TACR1: variants seen among roughly 807,000 people sequenced by gnomAD.
TACR1 encodes substance-P receptor.
TACR1 carries 25 observed loss-of-function variants against 35.8 expected under a neutral mutation model. The observed-to-expected ratio is 0.70, with a 90% CI of 0.51 to 0.98. TACR1 has a LOEUF of 0.98. Among genes scored for constraint, TACR1 ranks in the 50% least tolerant of loss-of-function variants. The probability of loss-of-function intolerance (pLI) is 0.00; values close to 1 mark genes in which losing one functional copy is unlikely to be tolerated. For synonymous variants in TACR1, 195 were observed against 206.7 expected (o/e 0.94, Z 0.48); for missense variants, 478 against 522.9 (o/e 0.91, Z 0.84).
chr2:75,086,045 TC>T, intron 2 of TACR1, among the ~76,000 whole-genome samples: 1 of 152,326 alleles, frequency 6.6e-6, no homozygotes, highest in Non-Finnish European at 1.5e-5. Flanking sequence ...GATCAAGAGC[TC>T]TTCAGTTAAA....
intron 1 of TACR1, among the ~76,000 whole-genome samples, chr2:75,152,293 C>T (rs1021965972): frequency 2.0e-5 from 3 of 152,158 alleles, no homozygotes; most frequent in Admixed American, 6.5e-5. Context: ...TGATTTGTAT[C>T]TCCCATAATT....
chr2:75,060,653 G>A (rs1672652596), intron 2 of TACR1, among the ~76,000 whole-genome samples: 1 of 152,224 alleles, frequency 6.6e-6, no homozygotes. Context: ...TTTGAAGTTG[G>A]TGGAAAACCA....
At chr2:75,070,031 T>C (rs908338302) in intron 2 of TACR1, among the ~76,000 whole-genome samples, 2 of 152,202 alleles carry the variant, frequency 1.3e-5, no homozygotes, top group African/African-American at 4.8e-5. Context: ...AATTATCCTG[T>C]GTGGGAGGTT....
intron 1 of TACR1, chr2:75,188,177 G>C (rs1212952044): frequency 6.6e-6 from 1 of 152,086 alleles, no homozygotes; most frequent in Non-Finnish European, 1.5e-5. Context: ...TTGGCTCCCT[G>C]GGACTATTTA....
intron 2 of TACR1, among the ~76,000 whole-genome samples, chr2:75,095,143 C>G (rs111520932): frequency 2.6e-5 from 4 of 152,092 alleles, no homozygotes; most frequent in African/African-American, 9.7e-5. Context: ...ACATGGTAAG[C>G]TTTCTGAAAA....
At chr2:75,055,919 G>A (rs1240934617) in intron 2 of TACR1, among the ~76,000 whole-genome samples, 1 of 152,212 alleles carries the variant, frequency 6.6e-6, no homozygotes, top group African/African-American at 2.4e-5. Context: ...CAGACTTTGA[G>A]AAACATTGTC....
chr2:75,108,287 A>G (rs1017069832), intron 2 of TACR1, among the ~76,000 whole-genome samples: 3 of 152,152 alleles, frequency 2.0e-5, no homozygotes, highest in African/African-American at 7.2e-5. Flanking sequence ...ACTAGTCAGT[A>G]TATTAAAAGC....
chr2:75,052,427 G>A (rs1350512952), intron 3 of TACR1, among the ~76,000 whole-genome samples: 2 of 152,044 alleles, frequency 1.3e-5, no homozygotes, highest in African/African-American at 4.8e-5. Flanking sequence ...TGTTACATCA[G>A]CCCAAATGGA....
intron 1 of TACR1, among the ~76,000 whole-genome samples, 187 bp downstream of exon 1, chr2:75,198,359 A>G (rs1432998518): frequency 6.6e-6 from 1 of 152,204 alleles, no homozygotes; most frequent in African/African-American, 2.4e-5. Context: ...TGGGTAAAAA[A>G]GAGGAAAAAA....
intron 2 of TACR1, among the ~76,000 whole-genome samples, chr2:75,078,839 T>C (rs974311953): frequency 6.6e-6 from 1 of 152,226 alleles, no homozygotes; most frequent in African/African-American, 2.4e-5. Context: ...CCATCTTTTG[T>C]AGGTTCTGGG....
At chr2:75,120,424 C>G in intron 2 of TACR1, 150 bp downstream of exon 2, 1 of 640,626 alleles carries the variant, frequency 1.6e-6, no homozygotes. Context: ...GACATATCAA[C>G]CTGATATGAG....
At chr2:75,163,047 C>T (rs1239012159) in intron 1 of TACR1, among the ~76,000 whole-genome samples, 1 of 152,186 alleles carries the variant, frequency 6.6e-6, no homozygotes, top group Admixed American at 6.5e-5. Flanking sequence ...TGTGCCACTT[C>T]CTGGCTAAGG....
At chr2:75,189,949 A>G (rs949350835) in intron 1 of TACR1, 3 of 152,238 alleles carry the variant, frequency 2.0e-5, no homozygotes, top group Non-Finnish European at 2.9e-5. Context: ...GATTGATTTG[A>G]TTAAGTTTGA....
intron 1 of TACR1, among the ~76,000 whole-genome samples, chr2:75,195,180 A>G (rs969712108): frequency 2.6e-5 from 4 of 152,196 alleles, no homozygotes; most frequent in Non-Finnish European, 5.9e-5. Flanking sequence ...TAGAGTTTCA[A>G]TAGCTAAAAT....
Position 75,125,807 on chromosome 2 carries a change from C to G in TACR1, c.390-5039G>C, listed in dbSNP as rs1674060465. ...AGTGACCTCACTGGAATTGGCTCTT[C>G]AGAATTTTTTATCTCTTGACATTAA... On this transcript the variant is annotated intron_variant, in intron 1 of 4. Transcript: ENST00000305249. 2.0e-5 allele frequency among the ~76,000 whole-genome samples: 3 copies of G among 152,206 alleles called. No individual in the cohort carries two copies. In the South Asian group the frequency reaches 6.2e-4, roughly 32 times the overall value.
Position 75,120,667 on chromosome 2 carries a change from G to A in TACR1, c.491C>T (p.Pro164Leu), listed in dbSNP as rs1477329809. The stretch of plus-strand genomic sequence containing the variant: ...CTCTGTGGTTGAGTAGTAGCCCTGG[G>A]GGAAGGCCAGCAGGAGAGCCAGGAC... Reference protein sequence around the residue: ...IWVLALLLAFPQGYYSTTETM... With the variant: ...IWVLALLLAFLQGYYSTTETM... The change falls in exon 2 of 5, where the codon CCC becomes CTC. Residue 164 changes from proline to leucine, a missense_variant. Physicochemically the swap from Pro to Leu is moderately conservative, Grantham distance 98. Coordinates refer to ENST00000305249, the MANE Select transcript of TACR1 (RefSeq NM_001058.4). The A allele has an allele frequency of 3.7e-6, 6 of 1,613,942 alleles. No individual in the cohort carries two copies. Among genetic ancestry groups the A allele is most frequent in the Non-Finnish European group, 3.4e-6 (4 of 1,180,000 alleles).
At chr2:75,052,387 T>C (rs749709725) in intron 3 of TACR1, among the ~76,000 whole-genome samples, 3 of 152,166 alleles carry the variant, frequency 2.0e-5, no homozygotes, top group African/African-American at 4.8e-5. Flanking sequence ...TCAATTTCTA[T>C]TTTTTATAAG....
intron 1 of TACR1, among the ~76,000 whole-genome samples, chr2:75,144,241 A>G (rs918082584): frequency 2.6e-5 from 4 of 152,150 alleles, no homozygotes; most frequent in Non-Finnish European, 5.9e-5. Flanking sequence ...TGTGATAATT[A>G]AAGCGTGGGC....
chr2:75,117,612 A>G (rs1193582093), intron 2 of TACR1, among the ~76,000 whole-genome samples: 5 of 152,228 alleles, frequency 3.3e-5, no homozygotes. Context: ...TCCTCGACTT[A>G]CAATAGGGTT....
Sources: gnomAD v4.1 joint callset for allele counts (sites outside exome capture counted in the v4.1 genomes callset) on GRCh38, gnomAD v4.1.1 for gene constraint, MANE v1.5 for transcripts, NCBI Gene and HGNC (gene_info 2026-07-23, HGNC 2026-07-21) for gene names.